DENND1A: variants seen among roughly 807,000 people sequenced by gnomAD.
The protein encoded by DENND1A is DENN domain-containing protein 1A.
In DENND1A, 51 loss-of-function variants were observed where a neutral mutation model predicts 113.7. The observed-to-expected ratio is 0.45, with a 90% confidence interval of 0.36 to 0.57. The LOEUF is 0.57. Ranked by LOEUF, DENND1A falls within the 20% of genes least tolerant of loss-of-function variation. The pLI is 0.00. For missense variants in DENND1A, 1,258 were observed against 1,395.9 expected (o/e 0.90, Z 1.57); for synonymous variants, 565 against 570.8 (o/e 0.99, Z 0.14).
rs117901759 is a variant in DENND1A, at chr9:123,527,011, C to T, written c.993+30559G>A. ...CATGAATAAGCTTGAAGTCATCTTC[C>T]CTCCCAAACTGGTTCTTCTCCCTTC... On this transcript the variant is annotated intron_variant, in intron 13 of 23. Coordinates refer to ENST00000394215, the MANE Select transcript of DENND1A (RefSeq NM_001352964.2). Among the ~76,000 whole-genome samples, 3 of 152,316 alleles carry T rather than the reference C, an allele frequency of 2.0e-5. No homozygotes were observed. In the East Asian group the frequency reaches 5.8e-4, roughly 29 times the overall value.
intron 10 of DENND1A, 98 bp from the exon 11 acceptor site, chr9:123,609,579 A>C (rs1360779895): frequency 7.4e-7 from 1 of 1,343,012 alleles, no homozygotes; most frequent in East Asian, 2.4e-5. Flanking sequence ...CTGTTTTAAT[A>C]AACGTATGCA....
At chr9:123,427,280 T>C (rs2045813363) in intron 19 of DENND1A, among the ~76,000 whole-genome samples, 1 of 152,252 alleles carries the variant, frequency 6.6e-6, no homozygotes, top group African/African-American at 2.4e-5. Flanking sequence ...ACCGTGTCAT[T>C]GCCATCTCTG....
intron 4 of DENND1A, among the ~76,000 whole-genome samples, chr9:123,767,443 T>C (rs1829002279): frequency 6.6e-6 from 1 of 151,766 alleles, no homozygotes; most frequent in African/African-American, 2.4e-5. Flanking sequence ...TAGGGGAACA[T>C]AATTTGGAGA....
intron 11 of DENND1A, among the ~76,000 whole-genome samples, chr9:123,589,240 T>G (rs1211131334): frequency 6.6e-6 from 1 of 152,056 alleles, no homozygotes; most frequent in Non-Finnish European, 1.5e-5. Context: ...TTTGAAGAAA[T>G]TACTGTATAT....
intron 10 of DENND1A, among the ~76,000 whole-genome samples, chr9:123,614,368 G>A (rs28506859): frequency 6.6e-6 from 1 of 152,198 alleles, no homozygotes; most frequent in African/African-American, 2.4e-5. Context: ...TCTCTGACAG[G>A]TAAGTCCTAT....
intron 3 of DENND1A, among the ~76,000 whole-genome samples, chr9:123,786,465 A>G (rs1251149300): frequency 2.6e-5 from 4 of 152,142 alleles, no homozygotes; most frequent in Admixed American, 2.6e-4. Flanking sequence ...CATCCTAGAC[A>G]TGCATTACTC....
At chr9:123,733,895 T>G (rs1485802961) in intron 5 of DENND1A, among the ~76,000 whole-genome samples, 1 of 152,194 alleles carries the variant, frequency 6.6e-6, no homozygotes, top group Non-Finnish European at 1.5e-5. Flanking sequence ...CTCGAAGTCC[T>G]GACCTCGTAA....
intron 5 of DENND1A, among the ~76,000 whole-genome samples, chr9:123,749,442 T>C (rs2069811423): frequency 6.6e-6 from 1 of 152,206 alleles, no homozygotes; most frequent in South Asian, 2.1e-4. Context: ...GGTTGGATTT[T>C]AGCTTCCAAA....
At chr9:123,758,539 C>CT in intron 4 of DENND1A, among the ~76,000 whole-genome samples, 1 of 152,208 alleles carries the variant, frequency 6.6e-6, no homozygotes, top group South Asian at 2.1e-4. Context: ...TTAGGTGTTA[C>CT]TTTCCTAAAT....
intron 5 of DENND1A, chr9:123,736,345 C>G (rs1458442529): frequency 6.6e-6 from 1 of 152,172 alleles, no homozygotes; most frequent in Admixed American, 6.5e-5. Flanking sequence ...GAGGGTCTCT[C>G]TGCCAACTTA....
intron 1 of DENND1A, among the ~76,000 whole-genome samples, chr9:123,893,169 T>C (rs1010565819): frequency 2.0e-5 from 3 of 151,320 alleles, no homozygotes; most frequent in Non-Finnish European, 2.9e-5. Context: ...ACATTTAAGA[T>C]AGATATGATT....
At chr9:123,734,661 C>G (rs920202945) in intron 5 of DENND1A, among the ~76,000 whole-genome samples, 1 of 152,186 alleles carries the variant, frequency 6.6e-6, no homozygotes, top group South Asian at 2.1e-4. Context: ...GGTTCCTTTT[C>G]CTCTTCTGTA....
At chr9:123,841,733 G>C (rs189032502) in intron 2 of DENND1A, among the ~76,000 whole-genome samples, 2 of 152,088 alleles carry the variant, frequency 1.3e-5, no homozygotes, top group Non-Finnish European at 2.9e-5. Flanking sequence ...GTGAGAAAGA[G>C]GTTTAGGACA....
intron 5 of DENND1A, among the ~76,000 whole-genome samples, chr9:123,724,240 C>G (rs1487842443): frequency 6.6e-6 from 1 of 152,214 alleles, no homozygotes; most frequent in Non-Finnish European, 1.5e-5. Flanking sequence ...AGAAGCACAA[C>G]TCGTTGAGGG....
intron 10 of DENND1A, among the ~76,000 whole-genome samples, chr9:123,617,348 G>A (rs909940443): frequency 2.0e-5 from 3 of 149,568 alleles, no homozygotes; most frequent in African/African-American, 7.7e-5. Flanking sequence ...TGAGCTCAGC[G>A]TGCACTGATG....
At chr9:123,627,739 C>CAAAAAA (rs764341977) in intron 10 of DENND1A, among the ~76,000 whole-genome samples, 32 of 57,764 alleles carry the variant, frequency 5.5e-4, no homozygotes, top group African/African-American at 1.2e-3. Context: ...AACTCTGTCT[C>CAAAAAA]AAAAAAAAAA....
chr9:123,603,095 A>C (rs1379450089), intron 11 of DENND1A, among the ~76,000 whole-genome samples: 1 of 152,220 alleles, frequency 6.6e-6, no homozygotes, highest in Non-Finnish European at 1.5e-5. Context: ...TCATACAAAG[A>C]AGCAAAATGG....
At chr9:123,673,066 A>G (rs1486780274) in intron 6 of DENND1A, among the ~76,000 whole-genome samples, 1 of 152,184 alleles carries the variant, frequency 6.6e-6, no homozygotes, top group Non-Finnish European at 1.5e-5. Flanking sequence ...CGATGAGACC[A>G]CCCATTTTGT....
chr9:123,716,022 C>T (rs758837032), intron 5 of DENND1A, among the ~76,000 whole-genome samples: 1 of 152,130 alleles, frequency 6.6e-6, no homozygotes, highest in Non-Finnish European at 1.5e-5. Flanking sequence ...AACAGCATGA[C>T]TTGTGCTGCT....
Sources: gnomAD v4.1 joint callset for allele counts (sites outside exome capture counted in the v4.1 genomes callset) on GRCh38, gnomAD v4.1.1 for gene constraint, MANE v1.5 for transcripts, NCBI Gene and HGNC (gene_info 2026-07-23, HGNC 2026-07-21) for gene names.